The following HNRNPLL variants were observed in gnomAD, a reference collection of about 807,000 sequenced individuals.
HNRNPLL encodes heterogeneous nuclear ribonucleoprotein L like.
A neutral mutation model predicts 67.1 loss-of-function variants in HNRNPLL; 25 were observed. That is an observed-to-expected ratio of 0.37 (90% CI 0.27 to 0.52). HNRNPLL has a LOEUF of 0.52. HNRNPLL is among the 20% of genes least tolerant of loss of function. The probability of loss-of-function intolerance (pLI) is 0.90; values close to 1 mark genes in which losing one functional copy is unlikely to be tolerated. For synonymous variants in HNRNPLL, 267 were observed against 241.7 expected, an observed-to-expected ratio of 1.10 and a Z score of -0.97; for missense variants, 542 against 673.9, an observed-to-expected ratio of 0.80 and a Z score of 2.17.
rs70954734 is a variant in HNRNPLL, at chr2:38,595,272, TAAAAAAAAAAAAA to T, written c.190-3637_190-3625del. Among the ~76,000 whole-genome samples, 17 of 68,776 alleles carry T rather than the reference TAAAAAAAAAAAAA, an allele frequency of 2.5e-4. No homozygotes were observed. The East Asian group carries it at 4.9e-3, about 20-fold the overall frequency. The allele number at this position is 68,776 out of a possible 152,430, so 45.1% of individuals were successfully genotyped here. A position where few individuals can be genotyped will look rare whatever the true frequency, so the allele number is the denominator to read the frequency against. On this transcript the variant is annotated intron_variant, in intron 1 of 12. Coordinates refer to ENST00000449105, the MANE Select transcript of HNRNPLL (RefSeq NM_138394.4). ...CCTGGGTGATGAGCAAGACCTTGTCTAAAAAAAAAAAAAAAAAAAAAAAAAGAAAAGAAAAAAA... is the reference window on the plus strand; with the variant it reads ...CCTGGGTGATGAGCAAGACCTTGTCTAAAAAAAAAAAAGAAAAGAAAAAAA...
At chr2:38,583,011 G>A (rs562135043) in intron 4 of HNRNPLL, among the ~76,000 whole-genome samples, 1 of 152,172 alleles carries the variant, frequency 6.6e-6, no homozygotes, top group South Asian at 2.1e-4. Flanking sequence ...CCATTCCCTA[G>A]CAAAGGACAA....
chr2:38,564,115 T>C lies in HNRNPLL; in HGVS notation c.*67A>G. 1 of 970,336 alleles carries C rather than the reference T, an allele frequency of 1.0e-6. No homozygotes were observed. Among genetic ancestry groups the C allele is most frequent in the East Asian group, 2.4e-5 (1 of 41,470 alleles). 60.1% of individuals were successfully genotyped at this position (970,336 alleles called of 1,614,324 possible). A position where few individuals can be genotyped will look rare whatever the true frequency, so the allele number is the denominator to read the frequency against. ...ATGAGATCAACCATTTTAGATTTTT[T>C]TTTAATGAAGTGTAGCTTTGAAATT... On this transcript the variant is annotated 3_prime_UTR_variant, in exon 13 of 13. Coordinates refer to ENST00000449105, the MANE Select transcript of HNRNPLL (RefSeq NM_138394.4).
chr2:38,581,829 G>A, intron 6 of HNRNPLL, 84 bp downstream of exon 6: 1 of 861,402 alleles, frequency 1.2e-6, no homozygotes, highest in South Asian at 1.4e-5. Context: ...GAATTAACTA[G>A]CTCATCTCAG....
intron 8 of HNRNPLL, among the ~76,000 whole-genome samples, chr2:38,571,301 A>T (rs1307462882): frequency 6.6e-6 from 1 of 152,194 alleles, no homozygotes; most frequent in African/African-American, 2.4e-5. Context: ...TCTCTCTCTC[A>T]CAATATCTTA....
At chr2:38,585,556 G>T in intron 3 of HNRNPLL, 88 bp downstream of exon 3, 1 of 763,994 alleles carries the variant, frequency 1.3e-6, no homozygotes. Context: ...CTAGTATCTA[G>T]ATGGCAATGA....
intron 7 of HNRNPLL, among the ~76,000 whole-genome samples, chr2:38,575,827 T>C (rs1184246013): frequency 6.6e-6 from 1 of 151,702 alleles, no homozygotes; most frequent in Non-Finnish European, 1.5e-5. Context: ...CTAGCACACA[T>C]CCCCCATCTT....
At chr2:38,573,834 G>T (rs977180541) in intron 7 of HNRNPLL, among the ~76,000 whole-genome samples, 3 of 151,728 alleles carry the variant, frequency 2.0e-5, no homozygotes, top group African/African-American at 7.3e-5. Flanking sequence ...AGTGAAATCT[G>T]GGAAGCTATC....
Position 38,577,576 on chromosome 2 carries a change from G to T in HNRNPLL, c.803-44C>A, listed in dbSNP as rs781256612. 3.3e-6 allele frequency: 4 copies of T among 1,198,370 alleles called. No homozygotes were observed. The African/African-American group carries it at 4.5e-5, about 13-fold the overall frequency. 74.2% of individuals were successfully genotyped at this position (1,198,370 alleles called of 1,614,324 possible). ...CATGGTTTTAACAATTTTGACCCAA[G>T]TACTTAATGGAGTTCTCAGATGGGA... is the stretch of plus-strand genomic sequence containing the variant. On this transcript the variant is annotated intron_variant, in intron 6 of 12. Coordinates refer to ENST00000449105, the MANE Select transcript of HNRNPLL (RefSeq NM_138394.4).
intron 6 of HNRNPLL, among the ~76,000 whole-genome samples, chr2:38,579,402 A>G (rs1318303143): frequency 6.6e-6 from 1 of 151,994 alleles, no homozygotes; most frequent in Non-Finnish European, 1.5e-5. Flanking sequence ...TAAAACTTAA[A>G]GTATAATAAT....
intron 4 of HNRNPLL, among the ~76,000 whole-genome samples, chr2:38,583,129 A>T (rs1666598285): frequency 6.6e-6 from 1 of 152,192 alleles, no homozygotes. Context: ...GAGAAGGCAT[A>T]GTTTTATAAT....
intron 1 of HNRNPLL, chr2:38,599,783 T>C (rs6748685): frequency 0.015 from 6,323 of 425,340 alleles, 382 homozygotes; most frequent in African/African-American, 0.12. Flanking sequence ...CAATATATTA[T>C]CAAAGCACTC....
intron 4 of HNRNPLL, 101 bp from the exon 5 acceptor site, chr2:38,582,269 T>A: frequency 1.3e-6 from 1 of 795,142 alleles, no homozygotes; most frequent in Non-Finnish European, 2.1e-6. Context: ...GCTCTTTTAC[T>A]TCTGGAAATG....
rs1295442579 is a variant in HNRNPLL at position 38,578,133 on chromosome 2, T to C, written c.803-601A>G. The C allele has an allele frequency of 1.2e-5, 5 of 401,668 alleles. No individual in the cohort carries two copies. The Admixed American group carries it at 1.4e-4, about 11-fold the overall frequency. 24.9% of individuals were successfully genotyped at this position (401,668 alleles called of 1,614,324 possible). A position where few individuals can be genotyped will look rare whatever the true frequency, so the allele number is the denominator to read the frequency against. ...TCATATTATATCATGAATAGGTCAT[T>C]GTCTATTGACCATAACACCAGGTAG... On this transcript the variant is annotated intron_variant, in intron 6 of 12. Transcript: ENST00000449105.
intron 7 of HNRNPLL, among the ~76,000 whole-genome samples, chr2:38,574,980 T>C (rs1297791195): frequency 1.3e-5 from 2 of 151,772 alleles, no homozygotes; most frequent in African/African-American, 4.8e-5. Flanking sequence ...CATTTGCTTG[T>C]ACAGTAATGA....
At chr2:38,595,818 T>C (rs377301619) in intron 1 of HNRNPLL, among the ~76,000 whole-genome samples, 1 of 152,112 alleles carries the variant, frequency 6.6e-6, no homozygotes. Flanking sequence ...CACTCCAGCC[T>C]GGGCGACAGA....
chr2:38,571,783 T>C (rs980259324), intron 8 of HNRNPLL, among the ~76,000 whole-genome samples: 2 of 152,202 alleles, frequency 1.3e-5, no homozygotes, highest in African/African-American at 2.4e-5. Flanking sequence ...CAACGTATCA[T>C]AGCTTATCAT....
rs1373429388 is a variant in HNRNPLL, at chr2:38,564,046, AAT to A, written c.*134_*135del. On this transcript the variant is annotated 3_prime_UTR_variant, in exon 13 of 13. Coordinates refer to ENST00000449105, the MANE Select transcript of HNRNPLL (RefSeq NM_138394.4). ...CTTACAACAAATTTACTCAAGGCAAAATATGTTTATTACAGAACAGGATCTTA... is the reference window on the plus strand; with the variant it reads ...CTTACAACAAATTTACTCAAGGCAAAATGTTTATTACAGAACAGGATCTTA... 1.2e-5 allele frequency: 8 copies of A among 644,352 alleles called. No homozygotes were observed. Among genetic ancestry groups the A allele is most frequent in the Middle Eastern group, 3.2e-4 (1 of 3,102 alleles). The allele number at this position is 644,352 out of a possible 1,614,324, so 39.9% of individuals were successfully genotyped here.
At chr2:38,596,331 C>A (rs1183077258) in intron 1 of HNRNPLL, among the ~76,000 whole-genome samples, 1 of 24,794 alleles carries the variant, frequency 4.0e-5, no homozygotes, top group Admixed American at 6.1e-4. Context: ...GGCACAAGGT[C>A]TCACTGCAAA....
chr2:38,599,865 A>G, intron 1 of HNRNPLL: 1 of 470,276 alleles, frequency 2.1e-6, no homozygotes, highest in South Asian at 1.6e-5. Context: ...ACTTCCAACT[A>G]GAGTTGAAAA....
Sources: gnomAD v4.1 joint callset for allele counts (sites outside exome capture counted in the v4.1 genomes callset) on GRCh38, gnomAD v4.1.1 for gene constraint, MANE v1.5 for transcripts, NCBI Gene and HGNC (gene_info 2026-07-23, HGNC 2026-07-21) for gene names.